The following NOC3L variants were observed in gnomAD, a reference collection of about 807,000 sequenced individuals.
NOC3L encodes the protein nucleolar complex protein 3 homolog.
NOC3L carries 85 observed loss-of-function variants against 102.5 expected under a neutral mutation model. The observed-to-expected ratio is 0.83, with a 90% CI of 0.70 to 0.99. The LOEUF is 0.99. Ranked by LOEUF, NOC3L falls within the 50% of genes least tolerant of loss-of-function variation. The probability of loss-of-function intolerance (pLI) is 0.00; values close to 1 mark genes in which losing one functional copy is unlikely to be tolerated. For missense variants in NOC3L, 878 were observed against 914.9 expected (o/e 0.96, Z 0.52); for synonymous variants, 303 against 309.4 (o/e 0.98, Z 0.22).
At chr10:94,345,047 T>C (rs3758525) in intron 11 of NOC3L, 114 bp from the exon 12 acceptor site, 4 of 642,848 alleles carry the variant, frequency 6.2e-6, no homozygotes, top group Admixed American at 3.3e-5. Flanking sequence ...ATGTTGTCTA[T>C]GAATGCAAAT....
At chr10:94,315,873 G>A in the NOC3L span, among the ~76,000 whole-genome samples, 1 of 150,784 alleles carries the variant, frequency 6.6e-6, no homozygotes, top group East Asian at 2.0e-4. Flanking sequence ...ACAAAATTAA[G>A]ATTGCTACTA....
At chr10:94,337,127 G>GT (rs2133983695) in intron 19 of NOC3L, among the ~76,000 whole-genome samples, 1 of 151,344 alleles carries the variant, frequency 6.6e-6, no homozygotes, top group Middle Eastern at 3.4e-3. Flanking sequence ...TGAAAATTTT[G>GT]TAAGTAAACA....
the NOC3L span, chr10:94,325,106 T>TATA: frequency 1.2e-6 from 2 of 1,601,008 alleles, no homozygotes; most frequent in East Asian, 4.5e-5. Flanking sequence ...TTAACCCAGG[T>TATA]ATAGTAAGTC....
chr10:94,332,676 A>T (rs1372192739), downstream of NOC3L: 1 of 152,226 alleles, frequency 6.6e-6, no homozygotes, highest in East Asian at 1.9e-4. Context: ...TATGTATAAC[A>T]AGAAAATTAA....
intron 19 of NOC3L, among the ~76,000 whole-genome samples, chr10:94,335,402 T>C (rs1242960171): frequency 2.0e-5 from 3 of 152,030 alleles, no homozygotes; most frequent in Non-Finnish European, 4.4e-5. Context: ...AAAATAATCA[T>C]TATGAAGAGT....
In NOC3L at chr10:94,337,853, G is replaced by A. The variant is rs1428530190; in HGVS notation, c.2113C>T (p.Gln705Ter). ...ALRRHYHPIV[Q>*]RFAAHLIAGA... ...GCGATCAGGTGGGCTGCAAATCTCT[G>A]CACTATGGGATGATAATGCCTCTGA... is the stretch of plus-strand genomic sequence containing the variant. The change falls in exon 19 of 21, where the codon CAG becomes TAG. Residue 705 changes from glutamine to a stop codon, truncating the protein, a stop_gained. Transcript: ENST00000371361. LOFTEE classifies it high-confidence loss of function. 5.0e-6 allele frequency: 8 copies of A among 1,613,708 alleles called. No homozygotes were observed. The highest frequency in any genetic ancestry group is 5.9e-6 in the Non-Finnish European group (7 of 1,179,782).
intron 1 of NOC3L, 95 bp downstream of exon 1, chr10:94,362,735 A>C: frequency 1.5e-6 from 2 of 1,376,260 alleles, no homozygotes; most frequent in Non-Finnish European, 2.1e-6. Flanking sequence ...CCCCCTAGAC[A>C]CGGGTGAAAA....
At chr10:94,351,237 C>T (rs527610583) in intron 8 of NOC3L, among the ~76,000 whole-genome samples, 1 of 151,688 alleles carries the variant, frequency 6.6e-6, no homozygotes, top group Admixed American at 6.6e-5. Context: ...TACTACCCAC[C>T]CCCACCCCAC....
At position 94,356,604 on chromosome 10, in the gene NOC3L, CAT is replaced by C. The variant is rs762774279; in HGVS notation, c.509-15_509-14del. ...TTACTATCAGTAACTATATGGAAAA[CAT>C]ATGTATTAAAACTGTGATATATACT... On this transcript the variant is annotated splice_polypyrimidine_tract_variant and intron_variant, in intron 4 of 20. Coordinates refer to ENST00000371361, the MANE Select transcript of NOC3L (RefSeq NM_022451.11). 4 of 1,472,596 alleles carry C rather than the reference CAT, an allele frequency of 2.7e-6. No individual in the cohort carries two copies. The highest frequency in any genetic ancestry group is 1.9e-6 in the Non-Finnish European group (2 of 1,053,556). 91.2% of individuals were successfully genotyped at this position (1,472,596 alleles called of 1,614,324 possible).
At chr10:94,328,069 C>G in the NOC3L span, 1 of 481,790 alleles carries the variant, frequency 2.1e-6, no homozygotes, top group Non-Finnish European at 4.3e-6. Flanking sequence ...TGAACTGAAG[C>G]CTTCACACAT....
intron 17 of NOC3L, 134 bp from the exon 18 acceptor site, chr10:94,338,870 T>G (rs567796229): frequency 3.1e-6 from 2 of 638,396 alleles, no homozygotes; most frequent in South Asian, 1.4e-4. Context: ...TACACCTAGA[T>G]TTAATAAAAA....
the NOC3L span, among the ~76,000 whole-genome samples, chr10:94,322,736 G>T: frequency 1.3e-5 from 2 of 151,836 alleles, no homozygotes; most frequent in Non-Finnish European, 2.9e-5. Flanking sequence ...AGTGAGCCGA[G>T]ATCATGCCAT....
intron 11 of NOC3L, among the ~76,000 whole-genome samples, chr10:94,345,823 AG>A (rs2054336278): frequency 6.6e-6 from 1 of 152,092 alleles, no homozygotes; most frequent in African/African-American, 2.4e-5. Flanking sequence ...AAATGTTCTG[AG>A]ATGTGATGAT....
chr10:94,333,381 G>T lies in NOC3L; in HGVS notation c.*796C>A, dbSNP rs2054181191. On this transcript the variant is annotated 3_prime_UTR_variant, in exon 21 of 21. Coordinates refer to ENST00000371361, the MANE Select transcript of NOC3L (RefSeq NM_022451.11). ...TTTATAATTATATTAATAAGAAAAAGCATTTTACCTGTTCCAAGAGGGGAA... is the reference window on the plus strand; with the variant it reads ...TTTATAATTATATTAATAAGAAAAATCATTTTACCTGTTCCAAGAGGGGAA... 1 of 152,098 alleles carries T rather than the reference G, an allele frequency of 6.6e-6. No individual in the cohort carries two copies. The highest frequency in any genetic ancestry group is 1.5e-5 in the Non-Finnish European group (1 of 68,002). 9.4% of individuals were successfully genotyped at this position (152,098 alleles called of 1,614,324 possible).
Position 94,340,495 on chromosome 10 carries a change from TC to T in NOC3L, c.1645del (p.Asp549ThrfsTer2). The T allele has an allele frequency of 1.4e-6, 1 of 728,642 alleles. No homozygotes were observed. Among genetic ancestry groups the T allele is most frequent in the Non-Finnish European group, 2.2e-6 (1 of 452,732 alleles). The allele number at this position is 728,642 out of a possible 1,614,324, so 45.1% of individuals were successfully genotyped here. On this transcript the variant is annotated frameshift_variant and splice_region_variant, in exon 15 of 21. Coordinates refer to ENST00000371361, the MANE Select transcript of NOC3L (RefSeq NM_022451.11). LOFTEE classifies it high-confidence loss of function. Reference sequence around the variant, plus strand: ...GTGAAGACTTTCTTGATAGCTTAGGTCCTTTAAAAAAAAAAGGGGGGGGTGA... The same window carrying T: ...GTGAAGACTTTCTTGATAGCTTAGGTCTTTAAAAAAAAAAGGGGGGGGTGA... ...VVLHTLIESGDLSYQESLHCV... is the reference protein window; with the variant it reads ...VVLHTLIESGXLSYQESLHCV...
Position 94,359,514 on chromosome 10 carries a change from T to G in NOC3L, c.218-1299A>C, listed in dbSNP as rs185272183. Among the ~76,000 whole-genome samples, 5 of 151,394 alleles carry G rather than the reference T, an allele frequency of 3.3e-5. No homozygotes were observed. In the East Asian group the frequency reaches 9.7e-4, roughly 29 times the overall value. On this transcript the variant is annotated intron_variant, in intron 2 of 20. Coordinates refer to ENST00000371361, the MANE Select transcript of NOC3L (RefSeq NM_022451.11). ...ATATAAATGTACACACTGCACAGAA[T>G]GGCACTCCTATCTACTTTAAATGAG...
At chr10:94,334,539 A>C (rs75097844) in intron 20 of NOC3L, 95 bp downstream of exon 20, 1 of 882,802 alleles carries the variant, frequency 1.1e-6, no homozygotes, top group Admixed American at 2.5e-5. Context: ...TAAAAAAAAA[A>C]CTACCTATAA....
chr10:94,356,738 G>A, intron 4 of NOC3L, 147 bp from the exon 5 acceptor site: 1 of 602,548 alleles, frequency 1.7e-6, no homozygotes, highest in Non-Finnish European at 2.9e-6. Flanking sequence ...GTGAGCACAA[G>A]GGAGGATTCT....
rs145968350 is a variant in NOC3L, at chr10:94,354,081, T to C, written c.696+882A>G. 2.6e-3 allele frequency among the ~76,000 whole-genome samples: 403 copies of C among 152,306 alleles called. 4 individuals are homozygous for C. Among genetic ancestry groups the C allele is most frequent in the African/African-American group, 7.5e-3 (313 of 41,562 alleles). On this transcript the variant is annotated intron_variant, in intron 6 of 20. Coordinates refer to ENST00000371361, the MANE Select transcript of NOC3L (RefSeq NM_022451.11). ...TCTTATGCCTATGGTTTTGTAATGA[T>C]TGAGAGAATACACATAAGAAATATT... is the stretch of plus-strand genomic sequence containing the variant.
Sources: gnomAD v4.1 joint callset for allele counts (sites outside exome capture counted in the v4.1 genomes callset) on GRCh38, gnomAD v4.1.1 for gene constraint, MANE v1.5 for transcripts, NCBI Gene and HGNC (gene_info 2026-07-23, HGNC 2026-07-21) for gene names.